The following TMTC2 variants were observed in gnomAD, a reference collection of about 807,000 sequenced individuals.
TMTC2 encodes transmembrane O-mannosyltransferase targeting cadherins 2, also known as protein O-mannosyl-transferase TMTC2.
Under a neutral mutation model 82.4 loss-of-function variants are expected in TMTC2, and 43 were observed. The ratio of observed to expected loss-of-function variants is 0.52; its 90% CI spans 0.41 to 0.67. The LOEUF (loss-of-function observed/expected upper bound fraction) is 0.67. TMTC2 is among the 30% of genes least tolerant of loss of function. TMTC2 has a pLI of 0.00. For synonymous variants in TMTC2, 408 were observed against 381.9 expected, an observed-to-expected ratio of 1.07 and a Z score of -0.80; for missense variants, 919 against 1,012.4, an observed-to-expected ratio of 0.91 and a Z score of 1.25.
chr12:83,025,062 GCATGCTCTAGTGA>G (rs1179972273), intron 8 of TMTC2, among the ~76,000 whole-genome samples: 1 of 152,072 alleles, frequency 6.6e-6, no homozygotes, highest in Admixed American at 6.6e-5. Context: ...GTGTGGTGGT[GCATGCTCTAGTGA>G]CAGCTTCTCT....
chr12:82,993,481 A>G (rs1879485896), intron 8 of TMTC2, among the ~76,000 whole-genome samples: 1 of 152,166 alleles, frequency 6.6e-6, no homozygotes, highest in South Asian at 2.1e-4. Flanking sequence ...CTTTTTTTAA[A>G]GTTAGATGTG....
chr12:82,878,721 T>C (rs1872691296), intron 2 of TMTC2, among the ~76,000 whole-genome samples: 1 of 152,060 alleles, frequency 6.6e-6, no homozygotes, highest in Admixed American at 6.6e-5. Context: ...CATAGATTGT[T>C]GAAGAAGAGT....
chr12:82,896,060 G>T lies in TMTC2; in HGVS notation c.897G>T (p.Val299=). 6.2e-7 allele frequency: 1 copy of T among 1,613,952 alleles called. No individual in the cohort carries two copies. Among genetic ancestry groups the T allele is most frequent in the Non-Finnish European group, 8.5e-7 (1 of 1,179,992 alleles). Reference sequence around the variant, plus strand: ...GTTTTGATTGGTCAATGGATGCTGTGCCTCTGCTCAAAACAGTTTGTGACT... The same window carrying T: ...GTTTTGATTGGTCAATGGATGCTGTTCCTCTGCTCAAAACAGTTTGTGACT... The part of the protein sequence containing the change: ...TLSFDWSMDA[V]PLLKTVCDWR... The change falls in exon 3 of 12, where the codon GTG becomes GTT. Residue 299 remains valine (V), a synonymous_variant. Transcript: ENST00000321196.
intron 11 of TMTC2, among the ~76,000 whole-genome samples, chr12:83,085,079 A>G (rs1883606384): frequency 6.6e-6 from 1 of 152,168 alleles, no homozygotes; most frequent in South Asian, 2.1e-4. Context: ...TTTATCTTTA[A>G]TGGGGTCATT....
chr12:83,082,803 A>G (rs928600848), intron 11 of TMTC2, among the ~76,000 whole-genome samples: 1 of 152,214 alleles, frequency 6.6e-6, no homozygotes, highest in African/African-American at 2.4e-5. Context: ...TGGAGCACAT[A>G]GGATTTGTCT....
At chr12:82,880,671 C>A (rs1872776470) in intron 2 of TMTC2, among the ~76,000 whole-genome samples, 1 of 152,078 alleles carries the variant, frequency 6.6e-6, no homozygotes, top group Non-Finnish European at 1.5e-5. Context: ...CTGAGCCAGT[C>A]AAAAAATGAT....
At chr12:82,970,347 C>T (rs957731630) in intron 7 of TMTC2, among the ~76,000 whole-genome samples, 2 of 152,228 alleles carry the variant, frequency 1.3e-5, no homozygotes, top group South Asian at 4.1e-4. Flanking sequence ...CTTTTTGAGA[C>T]GGAGTCTCGC....
chr12:82,714,290 C>T (rs564904799), intron 1 of TMTC2, among the ~76,000 whole-genome samples: 4 of 152,044 alleles, frequency 2.6e-5, no homozygotes, highest in South Asian at 2.1e-4. Context: ...TACTTGAAAC[C>T]GATAAATTTT....
At chr12:83,026,357 T>C (rs547378356) in intron 8 of TMTC2, among the ~76,000 whole-genome samples, 2 of 152,272 alleles carry the variant, frequency 1.3e-5, no homozygotes, top group East Asian at 3.9e-4. Context: ...AAAATACACA[T>C]ATTTCTTATT....
chr12:82,723,059 C>CCTGA (rs1874286565), intron 1 of TMTC2, among the ~76,000 whole-genome samples: 3 of 152,122 alleles, frequency 2.0e-5, no homozygotes, highest in Admixed American at 2.0e-4. Flanking sequence ...TAGCACAGAG[C>CCTGA]CTGACACATA....
In TMTC2 at chr12:82,905,648, T is replaced by C. The variant is rs1289560385; in HGVS notation, c.1483+9002T>C. ...ATGACAAACATTACCTTTTTAGATA[T>C]AGAAAAACACAGTTGGCCAGGCGCC... On this transcript the variant is annotated intron_variant, in intron 3 of 11. Coordinates refer to ENST00000321196, the MANE Select transcript of TMTC2 (RefSeq NM_152588.3). 2.0e-5 allele frequency among the ~76,000 whole-genome samples: 3 copies of C among 152,130 alleles called. No individual in the cohort carries two copies. The South Asian group carries it at 6.2e-4, about 32-fold the overall frequency.
intron 11 of TMTC2, among the ~76,000 whole-genome samples, chr12:83,073,450 G>C (rs1460350317): frequency 6.6e-6 from 1 of 152,164 alleles, no homozygotes; most frequent in Non-Finnish European, 1.5e-5. Context: ...TGATGACAAT[G>C]TGTCTAGGTG....
At chr12:83,108,718 G>C (rs1884500551) in intron 11 of TMTC2, among the ~76,000 whole-genome samples, 1 of 151,904 alleles carries the variant, frequency 6.6e-6, no homozygotes. Flanking sequence ...TCAATTATTA[G>C]AAACATCTTA....
rs1882759264 is a variant in TMTC2 at position 83,061,912 on chromosome 12, G to A, written c.2331+81G>A. On this transcript the variant is annotated intron_variant, in intron 11 of 11. Coordinates refer to ENST00000321196, the MANE Select transcript of TMTC2 (RefSeq NM_152588.3). The stretch of plus-strand genomic sequence containing the variant: ...TAGGTGTAAGAAGCATCATGATACT[G>A]GTTTTTTGTTTTTTGTTTTGTTTTG... The A allele has an allele frequency of 2.7e-6, 3 of 1,110,560 alleles. No individual in the cohort carries two copies. In the East Asian group the frequency reaches 8.3e-5, roughly 31 times the overall value. 68.8% of individuals were successfully genotyped at this position (1,110,560 alleles called of 1,614,324 possible).
intron 11 of TMTC2, among the ~76,000 whole-genome samples, chr12:83,104,593 C>CA (rs1210613404): frequency 6.6e-6 from 1 of 152,240 alleles, no homozygotes; most frequent in Admixed American, 6.5e-5. Flanking sequence ...TGCCAGGATG[C>CA]AAGCAGCGGT....
intron 2 of TMTC2, among the ~76,000 whole-genome samples, chr12:82,884,126 T>C (rs1410948729): frequency 6.6e-6 from 1 of 152,184 alleles, no homozygotes; most frequent in East Asian, 1.9e-4. Flanking sequence ...AATTGAACTC[T>C]TTGGGTACTT....
At chr12:82,888,308 ATGCTACTACTTTAATGTG>A (rs1873208163) in intron 2 of TMTC2, among the ~76,000 whole-genome samples, 1 of 152,232 alleles carries the variant, frequency 6.6e-6, no homozygotes, top group Non-Finnish European at 1.5e-5. Context: ...TCCAGAACAT[ATGCTACTACTTTAATGTG>A]TGCTTTTCAT....
At chr12:82,992,071 A>G (rs1013581104) in intron 8 of TMTC2, among the ~76,000 whole-genome samples, 1 of 152,296 alleles carries the variant, frequency 6.6e-6, no homozygotes, top group Admixed American at 6.5e-5. Context: ...CTACGGCATG[A>G]GAGCACTGAG....
chr12:82,936,713 G>A (rs1876337405), intron 4 of TMTC2, among the ~76,000 whole-genome samples: 1 of 151,930 alleles, frequency 6.6e-6, no homozygotes, highest in Non-Finnish European at 1.5e-5. Context: ...AATAAACTAG[G>A]AATAAATAAA....
Sources: allele counts gnomAD v4.1 joint callset (sites outside exome capture counted in the v4.1 genomes callset), GRCh38; gene constraint gnomAD v4.1.1; transcripts MANE v1.5; gene names NCBI Gene and HGNC (gene_info 2026-07-23, HGNC 2026-07-21).